The following WDR72 variants were observed in gnomAD, a reference collection of about 807,000 sequenced individuals.
WDR72 encodes WD repeat domain 72.
In WDR72, 120 loss-of-function variants were observed where a neutral mutation model predicts 124.2. That is an observed-to-expected ratio of 0.97 (90% CI 0.83 to 1.12). WDR72 has a LOEUF of 1.12. Among genes scored for constraint, WDR72 ranks in the 50% most tolerant of loss-of-function variants. WDR72 has a pLI of 0.00. For missense variants in WDR72, 1,387 were observed against 1,278.8 expected (o/e 1.08, Z -1.29); for synonymous variants, 452 against 441.7 (o/e 1.02, Z -0.29).
intron 14 of WDR72, among the ~76,000 whole-genome samples, chr15:53,652,706 T>C (rs2015284434): frequency 6.6e-6 from 1 of 152,192 alleles, no homozygotes; most frequent in South Asian, 2.1e-4. Context: ...ACAACTTTGT[T>C]ATTAGAAAAA....
At chr15:53,672,480 A>G (rs2016030684) in intron 13 of WDR72, among the ~76,000 whole-genome samples, 1 of 152,170 alleles carries the variant, frequency 6.6e-6, no homozygotes, top group African/African-American at 2.4e-5. Context: ...TAGGATTGTC[A>G]AATTTATAGG....
intron 13 of WDR72, among the ~76,000 whole-genome samples, chr15:53,673,388 AAAC>A (rs1314019458): frequency 6.6e-6 from 1 of 152,208 alleles, no homozygotes; most frequent in Non-Finnish European, 1.5e-5. Flanking sequence ...AATTAAGACT[AAAC>A]AACATCACCC....
chr15:53,658,250 T>C (rs544076455), intron 14 of WDR72, among the ~76,000 whole-genome samples: 70 of 152,318 alleles, frequency 4.6e-4, no homozygotes, highest in African/African-American at 1.4e-3. Flanking sequence ...GCATTTTTTT[T>C]CCTCATCTTA....
intron 14 of WDR72, among the ~76,000 whole-genome samples, chr15:53,652,944 C>T (rs954382127): frequency 1.3e-5 from 2 of 152,114 alleles, no homozygotes; most frequent in African/African-American, 4.8e-5. Flanking sequence ...GTAATTGAGA[C>T]TGGTGTCTAA....
chr15:53,599,000 T>C (rs935490650), intron 17 of WDR72, among the ~76,000 whole-genome samples: 2 of 152,020 alleles, frequency 1.3e-5, no homozygotes, highest in Non-Finnish European at 2.9e-5. Context: ...GGTGCGCACC[T>C]GTAGTCCTGG....
chr15:53,712,683 T>C (rs894844464), intron 7 of WDR72, 89 bp downstream of exon 7: 3 of 1,260,386 alleles, frequency 2.4e-6, no homozygotes, highest in Admixed American at 4.1e-5. Flanking sequence ...AGAATTTGTA[T>C]CATATTTAAA....
intron 18 of WDR72, among the ~76,000 whole-genome samples, chr15:53,579,456 A>G (rs2011797743): frequency 3.3e-5 from 5 of 152,186 alleles, no homozygotes; most frequent in East Asian, 1.9e-4. Context: ...TGCTTTCCCT[A>G]TCTTTTGGTG....
intron 14 of WDR72, among the ~76,000 whole-genome samples, chr15:53,629,029 T>C (rs1168454821): frequency 3.3e-5 from 5 of 151,972 alleles, no homozygotes; most frequent in African/African-American, 1.2e-4. Context: ...AAAATCCTAA[T>C]CTAACTTTTA....
chr15:53,613,203 C>T (rs1210414665), intron 16 of WDR72, among the ~76,000 whole-genome samples: 1 of 151,998 alleles, frequency 6.6e-6, no homozygotes, highest in African/African-American at 2.4e-5. Context: ...ATATAACCTT[C>T]TGAAATTGCA....
intron 14 of WDR72, among the ~76,000 whole-genome samples, chr15:53,632,682 C>T (rs569738853): frequency 6.2e-4 from 94 of 152,346 alleles, no homozygotes; most frequent in African/African-American, 2.1e-3. Flanking sequence ...AGGGGTGAAG[C>T]GGCCCATGGT....
chr15:53,757,834 A>C (rs146583993), intron 1 of WDR72, among the ~76,000 whole-genome samples: 3,000 of 152,284 alleles, frequency 0.02, 34 homozygotes, highest in Middle Eastern at 0.037. Flanking sequence ...AGGTTCCTTT[A>C]AGTTATTTCA....
intron 18 of WDR72, among the ~76,000 whole-genome samples, chr15:53,582,678 A>G (rs1009365512): frequency 6.6e-6 from 1 of 151,996 alleles, no homozygotes; most frequent in Non-Finnish European, 1.5e-5. Flanking sequence ...CTAAATATAA[A>G]AATGATTTGT....
intron 14 of WDR72, among the ~76,000 whole-genome samples, chr15:53,618,058 C>A (rs2013839767): frequency 6.6e-6 from 1 of 151,818 alleles, no homozygotes. Flanking sequence ...TTATACATTT[C>A]ATGGTAAATA....
At chr15:53,739,671 G>C (rs2018455242) in intron 1 of WDR72, among the ~76,000 whole-genome samples, 1 of 152,036 alleles carries the variant, frequency 6.6e-6, no homozygotes, top group Admixed American at 6.5e-5. Flanking sequence ...AAGAACTACT[G>C]CTCCTGACTT....
Position 53,722,871 on chromosome 15 carries a change from G to T in WDR72, c.191C>A (p.Ser64Ter). 1 of 1,614,086 alleles carries T rather than the reference G, an allele frequency of 6.2e-7. No homozygotes were observed. The highest frequency in any genetic ancestry group is 8.5e-7 in the Non-Finnish European group (1 of 1,180,002). The change falls in exon 3 of 20, where the codon TCG becomes TAG. Residue 64 changes from serine (S) to a stop codon, truncating the protein, a stop_gained. Coordinates refer to ENST00000360509, the MANE Select transcript of WDR72 (RefSeq NM_182758.4). LOFTEE classifies it high-confidence loss of function. ...CCTTGCTCTTGCCAAACATGTTACC[G>T]AAGCTGAATGACCAAATAGGAGTTC... Reference protein sequence around the residue: ...AKELLFGHSASVTCLARARDF... With the variant: ...AKELLFGHSA
At chr15:53,701,935 T>C (rs2017192570) in intron 12 of WDR72, among the ~76,000 whole-genome samples, 199 bp downstream of exon 12, 1 of 152,192 alleles carries the variant, frequency 6.6e-6, no homozygotes, top group South Asian at 2.1e-4. Flanking sequence ...ATCCGTCTAA[T>C]GTAAGTTATA....
chr15:53,661,787 CA>C (rs1422510352), intron 14 of WDR72, among the ~76,000 whole-genome samples: 4 of 152,040 alleles, frequency 2.6e-5, no homozygotes, highest in Non-Finnish European at 4.4e-5. Flanking sequence ...AACCACATTT[CA>C]AATACTCAGT....
At chr15:53,525,196 A>G (rs542119544) in intron 18 of WDR72, among the ~76,000 whole-genome samples, 1 of 152,222 alleles carries the variant, frequency 6.6e-6, no homozygotes, top group East Asian at 1.9e-4. Context: ...TTTAAGTGGT[A>G]TAGTTAAATG....
At chr15:53,595,870 T>C (rs958103182) in intron 18 of WDR72, among the ~76,000 whole-genome samples, 7 of 152,190 alleles carry the variant, frequency 4.6e-5, no homozygotes, top group Admixed American at 1.3e-4. Flanking sequence ...AACATGCATA[T>C]GACTTAAAAT....
Sources: allele counts gnomAD v4.1 joint callset (sites outside exome capture counted in the v4.1 genomes callset), GRCh38; gene constraint gnomAD v4.1.1; transcripts MANE v1.5; gene names NCBI Gene and HGNC (gene_info 2026-07-23, HGNC 2026-07-21).